Variants in ESYT3 observed in about 807,000 individuals in gnomAD.
ESYT3 encodes the protein extended synaptotagmin-3.
In ESYT3, 101 loss-of-function variants were observed where a neutral mutation model predicts 111.5. That is an observed-to-expected ratio of 0.91 (90% CI 0.77 to 1.07). ESYT3 has a LOEUF of 1.07. Ranked by LOEUF, ESYT3 falls within the 50% of genes least tolerant of loss-of-function variation. The pLI, the probability that ESYT3 is intolerant of heterozygous loss-of-function variation, is 0.00. For missense variants in ESYT3, 1,097 were observed against 1,109.4 expected (o/e 0.99, Z 0.16); for synonymous variants, 416 against 446.8 (o/e 0.93, Z 0.87).
intron 20 of ESYT3, among the ~76,000 whole-genome samples, chr3:138,475,678 A>G (rs995723260): frequency 1.3e-5 from 2 of 152,328 alleles, no homozygotes; most frequent in Admixed American, 1.3e-4. Flanking sequence ...CTGTAATCCC[A>G]GCACTTTGGG....
chr3:138,454,655 C>T (rs1241130150), intron 2 of ESYT3, among the ~76,000 whole-genome samples: 1 of 152,246 alleles, frequency 6.6e-6, no homozygotes, highest in Admixed American at 6.5e-5. Flanking sequence ...ACCATCCTCC[C>T]CTGTCTCTGC....
At chr3:138,437,547 T>A (rs1399344505) in intron 1 of ESYT3, among the ~76,000 whole-genome samples, 1 of 151,822 alleles carries the variant, frequency 6.6e-6, no homozygotes, top group Non-Finnish European at 1.5e-5. Flanking sequence ...CTGGCTGAAG[T>A]GTGTGGTAGG....
intron 1 of ESYT3, among the ~76,000 whole-genome samples, chr3:138,449,620 G>A (rs939591545): frequency 2.0e-5 from 3 of 152,110 alleles, no homozygotes; most frequent in Non-Finnish European, 4.4e-5. Flanking sequence ...ATCACCTTTC[G>A]GGGTCGAGAG....
rs2032208970 is a variant in ESYT3 at position 138,455,317 on chromosome 3, T to C, written c.493T>C (p.Phe165Leu). Residue 165 changes from phenylalanine to leucine, a missense_variant, in exon 3 of 23, where the codon TTT becomes CTT. Physicochemically the swap from Phe to Leu is conservative, Grantham distance 22. Transcript: ENST00000389567. Reference sequence around the variant, plus strand: ...GACCTTTACCTTTACCAAGCTCTACTTTGGACAGAAGGTGGGTGTGTCTCG... The same window carrying C: ...GACCTTTACCTTTACCAAGCTCTACCTTGGACAGAAGGTGGGTGTGTCTCG... ...LRTFTFTKLY[F>L]GQKCPRVNGV... 2 of 1,614,066 alleles carry C rather than the reference T, an allele frequency of 1.2e-6. No homozygotes were observed. The highest frequency in any genetic ancestry group is 2.2e-5 in the South Asian group (2 of 91,040).
chr3:138,481,144 T>C (rs2033681042), downstream of ESYT3: 1 of 152,222 alleles, frequency 6.6e-6, no homozygotes, highest in African/African-American at 2.4e-5. Context: ...TATAGGAGAA[T>C]AATTTCACAA....
intron 2 of ESYT3, among the ~76,000 whole-genome samples, chr3:138,452,316 G>A (rs2031995076): frequency 6.6e-6 from 1 of 152,172 alleles, no homozygotes; most frequent in Non-Finnish European, 1.5e-5. Context: ...ATACAGAGAA[G>A]TATAGAGAAA....
In ESYT3 at chr3:138,472,486, G is replaced by T. The variant is rs1376121057; in HGVS notation, c.1864G>T (p.Glu622Ter). The change falls in exon 18 of 23, where the codon GAA (glutamate) becomes TAA (stop). Residue 622 changes from glutamate (E) to a stop codon, truncating the protein, a stop_gained. Transcript: ENST00000389567. LOFTEE classifies it high-confidence loss of function. Reference protein sequence around the residue: ...NQGPKAQPQEEGPTDLPCPPD... With the variant: ...NQGPKAQPQE ...GGGTCCCAAAGCCCAACCTCAGGAA[G>T]AAGGCCCTACAGATTTGCCATGTCC... is the stretch of plus-strand genomic sequence containing the variant. The T allele has an allele frequency of 2.5e-6, 4 of 1,614,214 alleles. No individual in the cohort carries two copies. Among genetic ancestry groups the T allele is most frequent in the African/African-American group, 1.3e-5 (1 of 75,050 alleles).
Position 138,459,960 on chromosome 3 carries a change from C to T in ESYT3, c.664C>T (p.Arg222Trp), listed in dbSNP as rs62282904. The T allele has an allele frequency of 4.3e-5, 69 of 1,613,910 alleles. No individual in the cohort carries two copies. Among genetic ancestry groups the T allele is most frequent in the East Asian group, 6.7e-5 (3 of 44,874 alleles). Reference sequence around the variant, plus strand: ...GCCTATCCAGTTGCAGGGCACCCTGCGGGTCATCCTGGAGCCCCTCCTAGT... The same window carrying T: ...GCCTATCCAGTTGCAGGGCACCCTGTGGGTCATCCTGGAGCCCCTCCTAGT... ...VNGIQLQGTLRVILEPLLVDK... is the reference protein window; with the variant it reads ...VNGIQLQGTLWVILEPLLVDK... Residue 222 changes from arginine to tryptophan, a missense_variant, in exon 6 of 23, where the codon CGG (arginine) becomes TGG (tryptophan). Coordinates refer to ENST00000389567, the MANE Select transcript of ESYT3 (RefSeq NM_031913.5).
rs376626532 is a variant in ESYT3, at chr3:138,436,918, G to C, written c.327+1793G>C. ...GTAAAGGCAGTATATCCGATATTGG[G>C]TCAAAAATCAGATCGTGTAGGGGCG... On this transcript the variant is annotated intron_variant, in intron 1 of 22. Transcript: ENST00000389567. Among the ~76,000 whole-genome samples the C allele has an allele frequency of 2.3e-4, 35 of 152,258 alleles. No individual in the cohort carries two copies. In the East Asian group the frequency reaches 6.2e-3, roughly 27 times the overall value.
chr3:138,470,014 C>A, intron 15 of ESYT3, 46 bp from the exon 16 acceptor site: 1 of 1,560,836 alleles, frequency 6.4e-7, no homozygotes, highest in Non-Finnish European at 8.8e-7. Flanking sequence ...GTATCCAGCT[C>A]TGCCCAACCT....
At chr3:138,463,173 C>T (rs1170882782) in intron 8 of ESYT3, among the ~76,000 whole-genome samples, 1 of 152,032 alleles carries the variant, frequency 6.6e-6, no homozygotes, top group African/African-American at 2.4e-5. Context: ...TGGCTTACTG[C>T]AACCTCTGTC....
rs147779315 is a variant in ESYT3, at chr3:138,469,176, A to G, written c.1435-260A>G. On this transcript the variant is annotated intron_variant, in intron 14 of 22. Coordinates refer to ENST00000389567, the MANE Select transcript of ESYT3 (RefSeq NM_031913.5). ...CCACACTGTTTTCATAGCCCCAGGG[A>G]ACGAGAGCCTGTGCCTGGCCAGGCC... 1.4e-3 allele frequency: 836 copies of G among 594,270 alleles called. 13 individuals carry two copies. The East Asian group carries it at 0.021, about 15-fold the overall frequency. 36.8% of individuals were successfully genotyped at this position (594,270 alleles called of 1,614,324 possible).
intron 3 of ESYT3, among the ~76,000 whole-genome samples, chr3:138,456,468 G>A (rs2032282724): frequency 6.6e-6 from 1 of 152,204 alleles, no homozygotes; most frequent in Non-Finnish European, 1.5e-5. Context: ...AGCTTGCAGG[G>A]TGCTGTGTTC....
chr3:138,441,100 T>C (rs946738303), intron 1 of ESYT3, among the ~76,000 whole-genome samples: 1 of 152,166 alleles, frequency 6.6e-6, no homozygotes, highest in African/African-American at 2.4e-5. Context: ...AGAGGCACTG[T>C]GGTATTGCTG....
At position 138,462,125 on chromosome 3, in the gene ESYT3, C is replaced by T; in HGVS notation, c.834C>T (p.Thr278=). The T allele has an allele frequency of 1.2e-6, 2 of 1,614,134 alleles. No individual in the cohort carries two copies. Among genetic ancestry groups the T allele is most frequent in the Non-Finnish European group, 1.7e-6 (2 of 1,180,014 alleles). ...GCTTACTGGAGGACCTCATTGCCAC[C>T]CACCTGGTGCTGCCCAACCGTGTGA... is the stretch of plus-strand genomic sequence containing the variant. ...SDSLLEDLIA[T]HLVLPNRVTV... The change falls in exon 8 of 23, where the codon ACC becomes ACT. Residue 278 remains threonine, a synonymous_variant. Coordinates refer to ENST00000389567, the MANE Select transcript of ESYT3 (RefSeq NM_031913.5).
chr3:138,476,096 G>C lies in ESYT3; in HGVS notation c.2469-127G>C, dbSNP rs987135481. On this transcript the variant is annotated intron_variant, in intron 20 of 22. Coordinates refer to ENST00000389567, the MANE Select transcript of ESYT3 (RefSeq NM_031913.5). ...ATACATCGTGAGTAGTTATGAGCCA[G>C]TCCTGCTCTAGGTGCTCCTAATAGT... is the stretch of plus-strand genomic sequence containing the variant. The C allele has an allele frequency of 4.6e-6, 3 of 651,492 alleles. No individual in the cohort carries two copies. The South Asian group carries it at 5.6e-5, about 12-fold the overall frequency. The allele number at this position is 651,492 out of a possible 1,614,324, so 40.4% of individuals were successfully genotyped here. A position where few individuals can be genotyped will look rare whatever the true frequency, so the allele number is the denominator to read the frequency against.
intron 11 of ESYT3, 32 bp downstream of exon 11, chr3:138,467,641 T>G (rs1576459613): frequency 6.2e-7 from 1 of 1,608,764 alleles, no homozygotes; most frequent in Non-Finnish European, 8.5e-7. Context: ...CTCGGGGGAG[T>G]TTCAAGGTAG....
At chr3:138,453,611 A>G (rs775911775) in intron 2 of ESYT3, among the ~76,000 whole-genome samples, 83 of 152,200 alleles carry the variant, frequency 5.5e-4, no homozygotes, top group Non-Finnish European at 1.2e-3. Flanking sequence ...GCCCAAGCCC[A>G]CAGGAAAGAT....
At chr3:138,465,478 C>G in intron 10 of ESYT3, 57 bp downstream of exon 10, 1 of 1,388,030 alleles carries the variant, frequency 7.2e-7, no homozygotes. Context: ...CTGCGGGGTG[C>G]TGGGCTAGAT....
Sources: gnomAD v4.1 joint callset for allele counts (sites outside exome capture counted in the v4.1 genomes callset) on GRCh38, gnomAD v4.1.1 for gene constraint, MANE v1.5 for transcripts, NCBI Gene and HGNC (gene_info 2026-07-23, HGNC 2026-07-21) for gene names.